Variants in ALKBH8 observed in about 807,000 individuals in gnomAD.
ALKBH8 encodes tRNA (carboxymethyluridine(34)-5-O)-methyltransferase ALKBH8.
Under a neutral mutation model 59.8 loss-of-function variants are expected in ALKBH8, and 36 were observed. That is an observed-to-expected ratio of 0.60 (90% confidence interval 0.46 to 0.79). The LOEUF is 0.79. ALKBH8 is among the 30% of genes least tolerant of loss of function. The pLI is 0.00. For synonymous variants in ALKBH8, 276 were observed against 273.6 expected (o/e 1.01, Z -0.09); for missense variants, 768 against 801.0 (o/e 0.96, Z 0.50).
chr11:107,556,977 C>A lies in ALKBH8; in HGVS notation c.156G>T (p.Leu52Phe). The change falls in exon 3 of 12, where the codon TTG becomes TTT. Residue 52 changes from leucine to phenylalanine, a missense_variant. Physicochemically the swap from Leu to Phe is conservative, Grantham distance 22. Coordinates refer to ENST00000428149, the MANE Select transcript of ALKBH8 (RefSeq NM_138775.3). ...TQSLVVANGG[L>F]GNGVSRNQLL... Reference sequence around the variant, plus strand: ...GCTGGTTCCGACTCACACCATTACCCAAACCACCATTGGCAACAACCAGGC... The same window carrying A: ...GCTGGTTCCGACTCACACCATTACCAAAACCACCATTGGCAACAACCAGGC... 1 of 1,594,568 alleles carries A rather than the reference C, an allele frequency of 6.3e-7. No homozygotes were observed. Among genetic ancestry groups the A allele is most frequent in the Non-Finnish European group, 8.5e-7 (1 of 1,171,208 alleles).
At chr11:107,505,692 G>T (rs1400828009) in intron 11 of ALKBH8, among the ~76,000 whole-genome samples, 1 of 152,236 alleles carries the variant, frequency 6.6e-6, no homozygotes, top group Non-Finnish European at 1.5e-5. Context: ...GCTGCTTAAG[G>T]CACTGGAGAG....
Position 107,556,857 on chromosome 11 carries a change from T to G in ALKBH8, c.276A>C (p.Glu92Asp). Residue 92 changes from glutamate to aspartate, a missense_variant, in exon 3 of 12, where the codon GAA becomes GAC. Coordinates refer to ENST00000428149, the MANE Select transcript of ALKBH8 (RefSeq NM_138775.3). ...TGAGGGTAACATAGGCTCTCTTAGATTCTTCTGTAGTTCTGTATCTTGCAA... is the reference window on the plus strand; with the variant it reads ...TGAGGGTAACATAGGCTCTCTTAGAGTCTTCTGTAGTTCTGTATCTTGCAA... ...YSFARYRTTEESKRAYVTLNG... is the reference protein window; with the variant it reads ...YSFARYRTTEDSKRAYVTLNG... 1 of 1,599,638 alleles carries G rather than the reference T, an allele frequency of 6.3e-7. No individual in the cohort carries two copies. Among genetic ancestry groups the G allele is most frequent in the Non-Finnish European group, 8.5e-7 (1 of 1,173,210 alleles).
intron 8 of ALKBH8, among the ~76,000 whole-genome samples, chr11:107,529,653 C>T (rs917502514): frequency 6.7e-6 from 1 of 148,214 alleles, no homozygotes; most frequent in Non-Finnish European, 1.5e-5. Context: ...TACAGGCACA[C>T]GCCACTATGC....
chr11:107,507,152 G>T (rs1862420336), intron 11 of ALKBH8, among the ~76,000 whole-genome samples: 1 of 152,110 alleles, frequency 6.6e-6, no homozygotes, highest in South Asian at 2.1e-4. Flanking sequence ...TGGAAATAAG[G>T]CTGGCAATGA....
chr11:107,522,627 G>T lies in ALKBH8; in HGVS notation c.1031-72C>A. On this transcript the variant is annotated intron_variant, in intron 9 of 11. Transcript: ENST00000428149. ...CATAAGGTATCAAGTTTTCTTAAAT[G>T]AAAAAAAAAAATCAATGCAAATTTG... 2.6e-6 allele frequency: 3 copies of T among 1,171,356 alleles called. 1 individual carries two copies. The highest frequency in any genetic ancestry group is 3.9e-5 in the South Asian group (2 of 51,008). 72.6% of individuals were successfully genotyped at this position (1,171,356 alleles called of 1,614,324 possible).
chr11:107,532,175 G>T, intron 8 of ALKBH8, 125 bp downstream of exon 8: 1 of 623,910 alleles, frequency 1.6e-6, no homozygotes, highest in South Asian at 3.1e-5. Flanking sequence ...CTAGATAGAT[G>T]CCCCTAGGAG....
intron 10 of ALKBH8, among the ~76,000 whole-genome samples, chr11:107,512,820 C>G (rs1042272327): frequency 6.6e-6 from 1 of 152,120 alleles, no homozygotes; most frequent in Non-Finnish European, 1.5e-5. Context: ...TATGAATGCT[C>G]ATATCAAAAC....
intron 11 of ALKBH8, 124 bp downstream of exon 11, chr11:107,510,763 T>C (rs961721989): frequency 1.4e-5 from 15 of 1,057,296 alleles, no homozygotes; most frequent in Non-Finnish European, 1.9e-5. Flanking sequence ...GAGGGAAAAC[T>C]GTGACAAGAA....
At chr11:107,506,170 A>C (rs1462729059) in intron 11 of ALKBH8, among the ~76,000 whole-genome samples, 1 of 152,204 alleles carries the variant, frequency 6.6e-6, no homozygotes, top group African/African-American at 2.4e-5. Context: ...GAGACCCAGA[A>C]GGGCTACATT....
chr11:107,503,337 A>G lies in ALKBH8; in HGVS notation c.*1321T>C, dbSNP rs1862251014. Reference sequence around the variant, plus strand: ...CATCTGAGACCCATTATTGATCACTATAGGTTTCTGAAAACTTGATGCTTC... The same window carrying G: ...CATCTGAGACCCATTATTGATCACTGTAGGTTTCTGAAAACTTGATGCTTC... On this transcript the variant is annotated 3_prime_UTR_variant, in exon 12 of 12. Coordinates refer to ENST00000428149, the MANE Select transcript of ALKBH8 (RefSeq NM_138775.3). The G allele has an allele frequency of 6.6e-6, 1 of 152,188 alleles. No homozygotes were observed. The highest frequency in any genetic ancestry group is 2.4e-5 in the African/African-American group (1 of 41,440). The allele number at this position is 152,188 out of a possible 1,614,324, so 9.4% of individuals were successfully genotyped here.
At chr11:107,508,705 CT>C (rs1447976831) in intron 11 of ALKBH8, among the ~76,000 whole-genome samples, 1 of 152,154 alleles carries the variant, frequency 6.6e-6, no homozygotes, top group Non-Finnish European at 1.5e-5. Context: ...AACTGTTCCA[CT>C]TTCTGTCTCT....
intron 4 of ALKBH8, among the ~76,000 whole-genome samples, chr11:107,553,466 C>T (rs1167474446): frequency 1.3e-5 from 2 of 152,024 alleles, no homozygotes; most frequent in Non-Finnish European, 2.9e-5. Flanking sequence ...TGCCAATGAG[C>T]TAGAAAGAGT....
intron 7 of ALKBH8, among the ~76,000 whole-genome samples, chr11:107,537,398 T>C (rs1277988305): frequency 2.0e-5 from 3 of 152,196 alleles, no homozygotes; most frequent in South Asian, 4.1e-4. Context: ...GATCATGTCC[T>C]TTGCAGGGAC....
At chr11:107,516,382 T>C (rs1304696512) in intron 10 of ALKBH8, among the ~76,000 whole-genome samples, 1 of 152,192 alleles carries the variant, frequency 6.6e-6, no homozygotes, top group Non-Finnish European at 1.5e-5. Context: ...TAAATGGTGT[T>C]AGGGAAACTG....
At position 107,565,717 on chromosome 11, in the gene ALKBH8, G is replaced by C. The variant is rs1047057709; in HGVS notation, c.-123C>G. ...CTTGCACGCCATCTCCCCTGGGCGC[G>C]GCCATGTTGGAGAAAACTGCACTAC... On this transcript the variant is annotated 5_prime_UTR_variant, in exon 1 of 12. Coordinates refer to ENST00000428149, the MANE Select transcript of ALKBH8 (RefSeq NM_138775.3). 3.9e-6 allele frequency: 6 copies of C among 1,522,684 alleles called. No homozygotes were observed. The highest frequency in any genetic ancestry group is 5.3e-6 in the Non-Finnish European group (6 of 1,135,252). The allele number at this position is 1,522,684 out of a possible 1,614,324, so 94.3% of individuals were successfully genotyped here.
At chr11:107,548,158 C>T (rs1269195618) in intron 7 of ALKBH8, among the ~76,000 whole-genome samples, 1 of 152,206 alleles carries the variant, frequency 6.6e-6, no homozygotes, top group African/African-American at 2.4e-5. Flanking sequence ...GCCCTTTCCT[C>T]TCATTTTCAG....
intron 7 of ALKBH8, among the ~76,000 whole-genome samples, chr11:107,541,378 C>T (rs1864027634): frequency 6.6e-6 from 1 of 152,142 alleles, no homozygotes; most frequent in South Asian, 2.1e-4. Context: ...TAAGCTAAAA[C>T]CCAAGTCCCC....
intron 1 of ALKBH8, 21 bp downstream of exon 1, chr11:107,565,580 C>A (rs1487811314): frequency 6.5e-7 from 1 of 1,535,724 alleles, no homozygotes; most frequent in Admixed American, 2.0e-5. Context: ...CGTATGCCCG[C>A]CAGTAAGAAG....
chr11:107,541,768 G>A (rs1431605793), intron 7 of ALKBH8, among the ~76,000 whole-genome samples: 1 of 151,818 alleles, frequency 6.6e-6, no homozygotes, highest in Non-Finnish European at 1.5e-5. Flanking sequence ...GCCTAGCAGG[G>A]GAAACAGAAA....
Sources: allele counts gnomAD v4.1 joint callset (sites outside exome capture counted in the v4.1 genomes callset), GRCh38; gene constraint gnomAD v4.1.1; transcripts MANE v1.5; gene names NCBI Gene and HGNC (gene_info 2026-07-23, HGNC 2026-07-21).